Variants in HAUS1 observed in about 807,000 individuals in gnomAD.
HAUS1 encodes the protein HAUS augmin like complex subunit 1, also known as HAUS augmin-like complex subunit 1.
Under a neutral mutation model 38.6 loss-of-function variants are expected in HAUS1, and 25 were observed. The observed-to-expected ratio is 0.65, with a 90% confidence interval of 0.47 to 0.91. HAUS1 has a LOEUF of 0.91. Among genes scored for constraint, HAUS1 ranks in the 40% least tolerant of loss-of-function variants. HAUS1 has a pLI of 0.00. For synonymous variants in HAUS1, 109 were observed against 112.9 expected (o/e 0.97, Z 0.22); for missense variants, 325 against 328.4 (o/e 0.99, Z 0.08).
Position 46,124,870 on chromosome 18 carries a change from G to A in HAUS1, c.715G>A (p.Glu239Lys), listed in dbSNP as rs1411573348. The change falls in exon 7 of 9, where the codon GAG (glutamate) becomes AAG (lysine). Residue 239 changes from glutamate (E) to lysine (K), a missense_variant. By Grantham distance (56) the Glu-to-Lys change is moderately conservative. Transcript: ENST00000282058. Reference protein sequence around the residue: ...QQTIPLKKKLESYLDLMPNPS... With the variant: ...QQTIPLKKKLKSYLDLMPNPS... ...GACTATACCTTTGAAGAAAAAATTG[G>A]AGTCCTATTTAGACTTAATGCCGGT... The A allele has an allele frequency of 6.2e-7, 1 of 1,600,146 alleles. No individual in the cohort carries two copies. The highest frequency in any genetic ancestry group is 8.6e-7 in the Non-Finnish European group (1 of 1,169,088).
intron 2 of HAUS1, among the ~76,000 whole-genome samples, chr18:46,116,156 G>A (rs1446705708): frequency 6.6e-6 from 1 of 151,846 alleles, no homozygotes; most frequent in African/African-American, 2.4e-5. Flanking sequence ...GAAAGAAAGG[G>A]AAGAAAGGAA....
chr18:46,116,833 C>T (rs1911809363), intron 2 of HAUS1, among the ~76,000 whole-genome samples: 1 of 151,930 alleles, frequency 6.6e-6, no homozygotes, highest in Non-Finnish European at 1.5e-5. Flanking sequence ...GGCAACATGG[C>T]AAAACACCAT....
At chr18:46,113,714 C>G (rs528001949) in intron 2 of HAUS1, among the ~76,000 whole-genome samples, 21 of 152,264 alleles carry the variant, frequency 1.4e-4, no homozygotes, top group African/African-American at 4.8e-4. Context: ...TTATTCTTTG[C>G]ATTCCTCTTT....
chr18:46,117,307 T>A (rs1349254323), intron 2 of HAUS1, among the ~76,000 whole-genome samples: 1 of 152,104 alleles, frequency 6.6e-6, no homozygotes, highest in Non-Finnish European at 1.5e-5. Context: ...GTTAAGTGGA[T>A]AAATAAAATG....
chr18:46,108,271 CTTTT>C (rs1166729740), intron 2 of HAUS1, among the ~76,000 whole-genome samples: 5 of 115,198 alleles, frequency 4.3e-5, no homozygotes, highest in Non-Finnish European at 1.8e-5. Flanking sequence ...GAATTTACTT[CTTTT>C]TTTTTTTTTT....
chr18:46,122,656 C>G (rs1051888301), intron 5 of HAUS1, 66 bp downstream of exon 5: 9 of 1,564,986 alleles, frequency 5.8e-6, no homozygotes, highest in Admixed American at 1.7e-5. Flanking sequence ...ATCCTCACAG[C>G]TAGGCATTAT....
intron 2 of HAUS1, 65 bp downstream of exon 2, chr18:46,105,433 G>A (rs1400151859): frequency 7.3e-7 from 1 of 1,362,722 alleles, no homozygotes; most frequent in Non-Finnish European, 1.0e-6. Flanking sequence ...TAACACTAAA[G>A]TATACAGGAT....
intron 2 of HAUS1, among the ~76,000 whole-genome samples, chr18:46,107,678 G>C (rs1164104327): frequency 1.3e-5 from 2 of 152,198 alleles, no homozygotes; most frequent in Non-Finnish European, 2.9e-5. Context: ...TCTAAAAACT[G>C]AGTAGTAATG....
At chr18:46,113,150 C>T (rs956733780) in intron 2 of HAUS1, among the ~76,000 whole-genome samples, 5 of 147,514 alleles carry the variant, frequency 3.4e-5, no homozygotes, top group East Asian at 1.9e-4. Flanking sequence ...AATCTCAGCT[C>T]GCTGCAGCCT....
Position 46,118,206 on chromosome 18 carries a change from G to C in HAUS1, c.231G>C (p.Met77Ile). The change falls in exon 3 of 9, where the codon ATG becomes ATC. Residue 77 changes from methionine to isoleucine, a missense_variant. Physicochemically the swap from Met to Ile is conservative, Grantham distance 10. Coordinates refer to ENST00000282058, the MANE Select transcript of HAUS1 (RefSeq NM_138443.4). ...SEAKYLQDLL[M>I]ESVNFSPANL... ...CCAAGTATCTTCAAGACCTTCTCAT[G>C]GAGAGTGTGAATTTTTCCCCCGCCA... is the stretch of plus-strand genomic sequence containing the variant. 3 of 1,612,090 alleles carry C rather than the reference G, an allele frequency of 1.9e-6. No individual in the cohort carries two copies. Among genetic ancestry groups the C allele is most frequent in the Non-Finnish European group, 2.5e-6 (3 of 1,179,860 alleles).
intron 2 of HAUS1, among the ~76,000 whole-genome samples, chr18:46,111,885 CTT>C (rs370593835): frequency 0.15 from 19,721 of 134,078 alleles, 1,418 homozygotes; most frequent in East Asian, 0.36. Flanking sequence ...CTTTTCTTTT[CTT>C]TTTTTTTTTT....
chr18:46,112,285 A>G (rs1350455182), intron 2 of HAUS1, among the ~76,000 whole-genome samples: 1 of 129,596 alleles, frequency 7.7e-6, no homozygotes, highest in Non-Finnish European at 1.6e-5. Context: ...TATATAATAT[A>G]TAATGTGTAT....
At chr18:46,106,019 C>T (rs904539895) in intron 2 of HAUS1, among the ~76,000 whole-genome samples, 1 of 152,152 alleles carries the variant, frequency 6.6e-6, no homozygotes, top group Non-Finnish European at 1.5e-5. Flanking sequence ...ACTTACCTAT[C>T]TGTTTTTTCT....
chr18:46,128,058 T>A lies in HAUS1; in HGVS notation c.787-17T>A, dbSNP rs1480286403. On this transcript the variant is annotated splice_polypyrimidine_tract_variant and intron_variant, in intron 8 of 8. Transcript: ENST00000282058. ...CTGTTTTATGTCCTTATCTATGGTA[T>A]GTCTTTCTTCCTGTAGGATAGCATT... The A allele has an allele frequency of 6.0e-6, 9 of 1,510,286 alleles. No homozygotes were observed. The highest frequency in any genetic ancestry group is 8.1e-6 in the Non-Finnish European group (9 of 1,113,886). The allele number at this position is 1,510,286 out of a possible 1,614,324, so 93.6% of individuals were successfully genotyped here. A position where few individuals can be genotyped will look rare whatever the true frequency, so the allele number is the denominator to read the frequency against.
chr18:46,105,592 G>GTGTGTGTA (rs796714516), intron 2 of HAUS1, among the ~76,000 whole-genome samples: 8 of 145,044 alleles, frequency 5.5e-5, no homozygotes, highest in African/African-American at 2.0e-4. Context: ...GTGTGTGTGT[G>GTGTGTGTA]TATATATTTT....
At chr18:46,117,110 T>C (rs750298201) in intron 2 of HAUS1, among the ~76,000 whole-genome samples, 3 of 152,228 alleles carry the variant, frequency 2.0e-5, no homozygotes, top group Non-Finnish European at 4.4e-5. Flanking sequence ...ATACAATCAC[T>C]TTGGAAAACA....
chr18:46,119,012 C>T (rs892738454), intron 3 of HAUS1, among the ~76,000 whole-genome samples: 36 of 151,200 alleles, frequency 2.4e-4, no homozygotes, highest in African/African-American at 7.4e-4. Flanking sequence ...GGATTACAGG[C>T]GCCTGCCACC....
At chr18:46,119,437 A>G (rs1911879491) in intron 3 of HAUS1, among the ~76,000 whole-genome samples, 1 of 151,914 alleles carries the variant, frequency 6.6e-6, no homozygotes, top group African/African-American at 2.4e-5. Context: ...AATAATGTGT[A>G]TTTTAGAATT....
rs1261501392 is a variant in HAUS1 at position 46,113,605 on chromosome 18, CTTA to C, written c.206-4571_206-4569del. The stretch of plus-strand genomic sequence containing the variant: ...GGTTTCCTTTAATTCTGTGAACATG[CTTA>C]TTATGGATATTTGAAGTTTTTCCTG... On this transcript the variant is annotated intron_variant, in intron 2 of 8. Coordinates refer to ENST00000282058, the MANE Select transcript of HAUS1 (RefSeq NM_138443.4). Among the ~76,000 whole-genome samples the C allele has an allele frequency of 9.9e-5, 15 of 152,112 alleles. No individual in the cohort carries two copies. In the East Asian group the frequency reaches 2.9e-3, roughly 29 times the overall value.
Sources: gnomAD v4.1 joint callset for allele counts (sites outside exome capture counted in the v4.1 genomes callset) on GRCh38, gnomAD v4.1.1 for gene constraint, MANE v1.5 for transcripts, NCBI Gene and HGNC (gene_info 2026-07-23, HGNC 2026-07-21) for gene names.